Variants in NHSL1 observed in about 807,000 individuals in gnomAD.
The protein encoded by NHSL1 is NHS like 1.
Under a neutral mutation model 95.0 loss-of-function variants are expected in NHSL1, and 48 were observed. That is an observed-to-expected ratio of 0.51 (90% confidence interval 0.40 to 0.64). NHSL1 has a LOEUF of 0.64. Among genes scored for constraint, NHSL1 ranks in the 30% least tolerant of loss-of-function variants. The pLI is 0.00. For synonymous variants in NHSL1, 783 were observed against 833.9 expected, an observed-to-expected ratio of 0.94 and a Z score of 1.05; for missense variants, 1,971 against 2,077.7, an observed-to-expected ratio of 0.95 and a Z score of 1.00.
At position 138,645,969 on chromosome 6, in the gene NHSL1, C is replaced by T. The variant is rs183069565; in HGVS notation, c.96+46507G>A. Among the ~76,000 whole-genome samples the T allele has an allele frequency of 2.2e-3, 341 of 152,234 alleles. 1 individual carries two copies. Among genetic ancestry groups the T allele is most frequent in the African/African-American group, 7.6e-3 (316 of 41,534 alleles). On this transcript the variant is annotated intron_variant, in intron 1 of 3. Coordinates refer to the NHSL1 transcript ENST00000491526. ...ATGAATGAGTGTATGATATAATCAG[C>T]AAAAAGATAAACCTAGAGCCAACAT...
At chr6:138,640,407 C>T (rs1784944669) in intron 1 of NHSL1, among the ~76,000 whole-genome samples, 1 of 152,140 alleles carries the variant, frequency 6.6e-6, no homozygotes, top group African/African-American at 2.4e-5. Flanking sequence ...CCCTGAACAA[C>T]ACAAGTTTGA....
At chr6:138,640,825 A>C (rs1195904009) in intron 1 of NHSL1, among the ~76,000 whole-genome samples, 18 of 152,196 alleles carry the variant, frequency 1.2e-4, no homozygotes, top group Non-Finnish European at 4.4e-5. Context: ...ACTGGTTGAT[A>C]AAACTGAAGC....
intron 1 of NHSL1, among the ~76,000 whole-genome samples, chr6:138,607,848 A>G (rs1784455265): frequency 6.6e-6 from 1 of 152,228 alleles, no homozygotes; most frequent in African/African-American, 2.4e-5. Flanking sequence ...CTCCTAAGAA[A>G]CAGAATCAAA....
intron 1 of NHSL1, among the ~76,000 whole-genome samples, chr6:138,579,931 C>T (rs998075778): frequency 1.3e-5 from 2 of 152,312 alleles, no homozygotes; most frequent in African/African-American, 2.4e-5. Context: ...TACTGTGCTA[C>T]TCCTACATGC....
rs976251838 is a variant in NHSL1, at chr6:138,430,451, C to A, written c.3894G>T (p.Glu1298Asp). Reference protein sequence around the residue: ...SPAPKQEEPAENSADTGGDGE... With the variant: ...SPAPKQEEPADNSADTGGDGE... ...CATCGCCCCCAGTATCCGCACTGTT[C>A]TCGGCTGGCTCCTCCTGCTTGGGGG... Residue 1298 changes from glutamate (E) to aspartate (D), a missense_variant, in exon 6 of 8, where the codon GAG becomes GAT. Coordinates refer to ENST00000343505, the MANE Select transcript of NHSL1 (RefSeq NM_001144060.2). The surrounding 1 kb of genome is among the most constrained non-coding windows in gnomAD (Gnocchi z 4.7). 61 of 1,545,346 alleles carry A rather than the reference C, an allele frequency of 3.9e-5. No individual in the cohort carries two copies. The highest frequency in any genetic ancestry group is 4.9e-5 in the Non-Finnish European group (56 of 1,143,558).
intron 1 of NHSL1, among the ~76,000 whole-genome samples, chr6:138,612,668 T>TAC (rs1400111745): frequency 4.6e-5 from 7 of 152,280 alleles, no homozygotes; most frequent in African/African-American, 1.7e-4. Flanking sequence ...AGCTTCTGTA[T>TAC]ACACACACAC....
chr6:138,671,785 G>A (rs919790974), intron 1 of NHSL1, among the ~76,000 whole-genome samples: 2 of 152,198 alleles, frequency 1.3e-5, no homozygotes, highest in Non-Finnish European at 1.5e-5. Context: ...TTTATGTCAG[G>A]AGAGACAAAA....
At chr6:138,511,615 C>G (rs899300952) in intron 1 of NHSL1, among the ~76,000 whole-genome samples, 1 of 152,016 alleles carries the variant, frequency 6.6e-6, no homozygotes, top group African/African-American at 2.4e-5. Context: ...ACAATGAAGA[C>G]ATCGATGTCT....
intron 1 of NHSL1, among the ~76,000 whole-genome samples, chr6:138,679,947 C>A (rs1785492454): frequency 6.6e-6 from 1 of 151,226 alleles, no homozygotes; most frequent in Non-Finnish European, 1.5e-5. Context: ...ATATATTGGC[C>A]AAAAAAAGAG....
At chr6:138,507,096 G>A (rs967695408) in intron 1 of NHSL1, among the ~76,000 whole-genome samples, 8 of 152,102 alleles carry the variant, frequency 5.3e-5, no homozygotes, top group African/African-American at 1.7e-4. Flanking sequence ...ACTCCCTACT[G>A]AAGAGCTGCC....
At chr6:138,451,911 A>G (rs1777264069) in intron 3 of NHSL1, among the ~76,000 whole-genome samples, 1 of 152,236 alleles carries the variant, frequency 6.6e-6, no homozygotes, top group Admixed American at 6.5e-5. Context: ...GTGTACCAGC[A>G]TCCTGGCACT....
intron 7 of NHSL1, among the ~76,000 whole-genome samples, chr6:138,428,077 C>T (rs147570860): frequency 2.6e-5 from 4 of 152,142 alleles, no homozygotes; most frequent in African/African-American, 7.2e-5. Flanking sequence ...ATAGAAGAGG[C>T]CTTTGGCATA....
chr6:138,434,971 A>G (rs112243933), intron 5 of NHSL1, among the ~76,000 whole-genome samples: 1,979 of 152,268 alleles, frequency 0.013, 38 homozygotes, highest in African/African-American at 0.045. Context: ...GTGATGATGG[A>G]GAGGAATTTT....
chr6:138,642,590 A>G (rs1040898537), intron 1 of NHSL1, among the ~76,000 whole-genome samples: 1 of 152,236 alleles, frequency 6.6e-6, no homozygotes, highest in Non-Finnish European at 1.5e-5. Flanking sequence ...GTCGTGAACC[A>G]TGAAGTTTAG....
At chr6:138,448,890 T>A (rs1011937927) in intron 3 of NHSL1, among the ~76,000 whole-genome samples, 2 of 151,948 alleles carry the variant, frequency 1.3e-5, no homozygotes, top group African/African-American at 4.8e-5. Flanking sequence ...CTGTCTCTCC[T>A]AAAAATACAA....
chr6:138,693,028 C>T (rs1387330468), upstream of NHSL1, among the ~76,000 whole-genome samples: 10 of 151,142 alleles, frequency 6.6e-5, no homozygotes, highest in Admixed American at 1.3e-4. The surrounding 1 kb of genome is among the most constrained non-coding windows in gnomAD (Gnocchi z 4.3). Flanking sequence ...GTTCCTCCAC[C>T]CGCAGGGCTT....
chr6:138,499,158 C>CACAG, intron 1 of NHSL1, 75 bp downstream of exon 1: 1 of 487,854 alleles, frequency 2.0e-6, no homozygotes, highest in East Asian at 6.8e-5. Flanking sequence ...CACACACACA[C>CACAG]AGACACACAG....
chr6:138,485,772 G>A (rs1779690987), intron 2 of NHSL1, among the ~76,000 whole-genome samples: 1 of 152,106 alleles, frequency 6.6e-6, no homozygotes. Flanking sequence ...ACCCGGCTGG[G>A]CAACTTTCCC....
At chr6:138,591,034 G>A (rs911276578) in intron 1 of NHSL1, among the ~76,000 whole-genome samples, 1 of 152,128 alleles carries the variant, frequency 6.6e-6, no homozygotes, top group Non-Finnish European at 1.5e-5. Flanking sequence ...AATCCTCTGG[G>A]AATCGCCTCC....
Sources: allele counts gnomAD v4.1 joint callset (sites outside exome capture counted in the v4.1 genomes callset), GRCh38; gene constraint gnomAD v4.1.1; non-coding constraint Gnocchi (gnomAD v3.1); transcripts MANE v1.5; gene names NCBI Gene and HGNC (gene_info 2026-07-23, HGNC 2026-07-21).